The following SAMMSON variants were observed in gnomAD, a reference collection of about 807,000 sequenced individuals.
SAMMSON encodes the protein long intergenic non-protein coding RNA 1212.
intron 4 of SAMMSON, among the ~76,000 whole-genome samples, chr3:70,103,359 A>T (rs896450398): frequency 1.3e-5 from 2 of 152,190 alleles, no homozygotes; most frequent in African/African-American, 4.8e-5. Context: ...AGGCTATGGC[A>T]ATGTTTCCCA....
At chr3:70,370,378 A>G (rs985989754) in intron 9 of SAMMSON, among the ~76,000 whole-genome samples, 1 of 151,912 alleles carries the variant, frequency 6.6e-6, no homozygotes, top group Non-Finnish European at 1.5e-5. Flanking sequence ...TTTTCGAGAA[A>G]TCTCCATACG....
chr3:70,367,828 T>C (rs1702933060), intron 9 of SAMMSON, among the ~76,000 whole-genome samples: 1 of 151,712 alleles, frequency 6.6e-6, no homozygotes, highest in South Asian at 2.1e-4. Context: ...GCTGTACTAA[T>C]TTAATTCCCA....
chr3:70,074,432 T>C (rs1446823915), intron 4 of SAMMSON, among the ~76,000 whole-genome samples: 7 of 152,256 alleles, frequency 4.6e-5, no homozygotes, highest in East Asian at 3.9e-4. Flanking sequence ...AGTAATGTGA[T>C]AGATTTTTGT....
At chr3:70,269,838 C>T (rs1701957190) in intron 6 of SAMMSON, among the ~76,000 whole-genome samples, 1 of 151,934 alleles carries the variant, frequency 6.6e-6, no homozygotes, top group Admixed American at 6.6e-5. Context: ...AAACAAAGGC[C>T]ATGATAACAC....
intron 6 of SAMMSON, among the ~76,000 whole-genome samples, chr3:70,282,970 G>C (rs1702104044): frequency 6.6e-6 from 1 of 152,132 alleles, no homozygotes; most frequent in Non-Finnish European, 1.5e-5. Flanking sequence ...AGGCAGGCCT[G>C]TCACTCAGAA....
chr3:70,076,757 G>A (rs2067249677), intron 4 of SAMMSON, among the ~76,000 whole-genome samples: 2 of 152,108 alleles, frequency 1.3e-5, no homozygotes, highest in Non-Finnish European at 2.9e-5. Context: ...TCAGCATGTT[G>A]GAATTTTTAT....
chr3:70,207,404 A>G (rs929740458), intron 4 of SAMMSON, among the ~76,000 whole-genome samples: 1 of 152,048 alleles, frequency 6.6e-6, no homozygotes, highest in Non-Finnish European at 1.5e-5. Flanking sequence ...TCTTGGGAAC[A>G]TGCTTTATTT....
intron 1 of SAMMSON, among the ~76,000 whole-genome samples, chr3:70,011,005 T>C (rs1576094578): frequency 6.6e-6 from 1 of 152,120 alleles, no homozygotes; most frequent in Non-Finnish European, 1.5e-5. Flanking sequence ...CCTTGACTCA[T>C]GGGGATTGTA....
intron 4 of SAMMSON, among the ~76,000 whole-genome samples, chr3:70,219,195 T>G (rs1039512401): frequency 6.6e-6 from 1 of 152,190 alleles, no homozygotes; most frequent in African/African-American, 2.4e-5. Flanking sequence ...AAAACAAGAA[T>G]GCTCACATCT....
intron 9 of SAMMSON, among the ~76,000 whole-genome samples, chr3:70,371,190 A>G (rs918172749): frequency 2.0e-5 from 3 of 152,066 alleles, no homozygotes; most frequent in African/African-American, 7.2e-5. Context: ...TTTTTATACC[A>G]ATACCATGCT....
chr3:70,044,794 T>C (rs2067118010), intron 3 of SAMMSON, among the ~76,000 whole-genome samples: 1 of 150,424 alleles, frequency 6.6e-6, no homozygotes. Flanking sequence ...ACATATAAAA[T>C]CTATACTTCA....
chr3:70,014,644 C>G (rs1466122526), intron 3 of SAMMSON: 5 of 152,132 alleles, frequency 3.3e-5, no homozygotes, highest in Admixed American at 3.3e-4. Context: ...CAAAAGGGGC[C>G]ACTTATGGAG....
At chr3:70,171,703 T>C (rs1488121441) in intron 4 of SAMMSON, among the ~76,000 whole-genome samples, 1 of 151,900 alleles carries the variant, frequency 6.6e-6, no homozygotes, top group East Asian at 1.9e-4. Context: ...CTCTTCAATT[T>C]CACTTCGTGT....
At chr3:70,419,862 TC>T (rs1264480677) in intron 2 of SAMMSON, among the ~76,000 whole-genome samples, 1 of 152,150 alleles carries the variant, frequency 6.6e-6, no homozygotes, top group Non-Finnish European at 1.5e-5. Context: ...ATGGTCTCGA[TC>T]TCCTGACCTC....
At chr3:70,182,538 A>G (rs1382053118) in intron 4 of SAMMSON, among the ~76,000 whole-genome samples, 1 of 152,154 alleles carries the variant, frequency 6.6e-6, no homozygotes, top group African/African-American at 2.4e-5. Flanking sequence ...GGTGGAGCTC[A>G]TGCTAAGGAA....
At position 70,071,767 on chromosome 3, in the gene SAMMSON, T is replaced by A. The variant is rs1051999053; in HGVS notation, n.507+202T>A. On this transcript the variant is annotated intron_variant and non_coding_transcript_variant, in intron 4 of 9. Transcript: ENST00000642114. Reference sequence around the variant, plus strand: ...CTGGGGACACTCATGGATTTTTTTTTAAAGGTTTTAACATTTGATAATAGG... The same window carrying A: ...CTGGGGACACTCATGGATTTTTTTTAAAAGGTTTTAACATTTGATAATAGG... The A allele has an allele frequency of 7.2e-5, 11 of 152,016 alleles. No individual in the cohort carries two copies. The East Asian group carries it at 1.4e-3, about 19-fold the overall frequency. The allele number at this position is 152,016 out of a possible 1,614,324, so 9.4% of individuals were successfully genotyped here.
At chr3:70,209,610 G>A (rs1211116635) in intron 4 of SAMMSON, among the ~76,000 whole-genome samples, 1 of 152,098 alleles carries the variant, frequency 6.6e-6, no homozygotes, top group Non-Finnish European at 1.5e-5. Flanking sequence ...TCCTTATTCA[G>A]TAGTAGAACT....
intron 4 of SAMMSON, among the ~76,000 whole-genome samples, chr3:70,235,634 G>T (rs1254230559): frequency 6.6e-6 from 1 of 152,038 alleles, no homozygotes; most frequent in Admixed American, 6.5e-5. Flanking sequence ...TCTTTTAGAG[G>T]TTTCTCTATG....
chr3:70,133,526 C>T (rs2067492543), intron 4 of SAMMSON, among the ~76,000 whole-genome samples: 1 of 152,002 alleles, frequency 6.6e-6, no homozygotes, highest in Non-Finnish European at 1.5e-5. Flanking sequence ...TGATTGAGCC[C>T]AAAGGGAGGT....
Sources: allele counts gnomAD v4.1 joint callset (sites outside exome capture counted in the v4.1 genomes callset), GRCh38; gene constraint gnomAD v4.1.1; transcripts MANE v1.5; gene names NCBI Gene and HGNC (gene_info 2026-07-23, HGNC 2026-07-21).